Variants in F8 observed in about 807,000 individuals in gnomAD.
F8 encodes the protein coagulation factor VIII.
A neutral mutation model predicts 140.6 loss-of-function variants in F8; 12 were observed. That is an observed-to-expected ratio of 0.09 (90% confidence interval 0.05 to 0.14). The LOEUF (loss-of-function observed/expected upper bound fraction) is 0.14. Among genes scored for constraint, F8 ranks in the 10% least tolerant of loss-of-function variants. The pLI is 1.00. For missense variants in F8, 1,354 were observed against 1,720.7 expected, an observed-to-expected ratio of 0.79 and a Z score of 3.77; for synonymous variants, 585 against 614.6, an observed-to-expected ratio of 0.95 and a Z score of 0.71.
chrX:155,022,126 C>G (rs1370638499), intron 1 of F8, among the ~76,000 whole-genome samples: 1 of 111,828 alleles, frequency 8.9e-6, no homozygotes. Flanking sequence ...TCCCTTCACC[C>G]TCCCTCTACT....
intron 1 of F8, among the ~76,000 whole-genome samples, chrX:155,014,553 T>G (rs1321060727): frequency 1.8e-5 from 2 of 112,381 alleles, no homozygotes; most frequent in Non-Finnish European, 3.8e-5. Flanking sequence ...AAAACGCTAC[T>G]AGAGCTAAAA....
At chrX:154,993,546 C>A (rs782510243) in intron 3 of F8, among the ~76,000 whole-genome samples, 8 of 111,882 alleles carry the variant, frequency 7.2e-5, no homozygotes, top group Non-Finnish European at 1.3e-4. Context: ...ACCACCACAC[C>A]CGGCCTACTT....
intron 1 of F8, among the ~76,000 whole-genome samples, chrX:155,015,200 C>A (rs1557286918): frequency 9.0e-6 from 1 of 111,662 alleles, no homozygotes; most frequent in Non-Finnish European, 1.9e-5. Flanking sequence ...AAATTTAACT[C>A]AAAATGTATT....
At chrX:154,899,614 G>A (rs1186153749) in intron 21 of F8, among the ~76,000 whole-genome samples, 3 of 111,386 alleles carry the variant, frequency 2.7e-5, no homozygotes, top group Middle Eastern at 4.6e-3. Flanking sequence ...GAGAGATGAC[G>A]AGTTCAATAT....
At chrX:154,900,005 C>T (rs1322750554) in intron 20 of F8, 54 bp from the exon 21 acceptor site, 25 of 1,031,662 alleles carry the variant, frequency 2.4e-5, no homozygotes, top group Non-Finnish European at 1.5e-5. Flanking sequence ...GTCCTAGACA[C>T]TTGAGAATAA....
chrX:154,990,243 CT>C (rs1484442063), intron 4 of F8, among the ~76,000 whole-genome samples: 5 of 111,834 alleles, frequency 4.5e-5, no homozygotes, highest in African/African-American at 1.6e-4. Flanking sequence ...CTTCTTCTCT[CT>C]GATTTTCATC....
At chrX:154,910,498 G>T in intron 14 of F8, among the ~76,000 whole-genome samples, 1 of 111,304 alleles carries the variant, frequency 9.0e-6, no homozygotes, top group Non-Finnish European at 1.9e-5. Flanking sequence ...CACCAACATG[G>T]TGCATGTATA....
intron 25 of F8, among the ~76,000 whole-genome samples, chrX:154,846,662 C>T (rs2072568613): frequency 9.0e-6 from 1 of 111,316 alleles, no homozygotes. Context: ...CCCTTTATTT[C>T]GAGCCTATGT....
chrX:154,972,010 A>G (rs782328818), intron 6 of F8, among the ~76,000 whole-genome samples: 1 of 112,304 alleles, frequency 8.9e-6, no homozygotes, highest in Non-Finnish European at 1.9e-5. Flanking sequence ...TTTCTTCAAC[A>G]TGCTGATTTC....
In F8 at chrX:154,906,445, C is replaced by G; in HGVS notation, c.5348G>C (p.Arg1783Thr). Residue 1783 changes from arginine to threonine, a missense_variant, in exon 15 of 26, where the codon AGA becomes ACA. Coordinates refer to ENST00000360256, the MANE Select transcript of F8 (RefSeq NM_000132.4). The stretch of plus-strand genomic sequence containing the variant: ...CATGATATTATCTTCAACTTCTGCT[C>G]TTATATATGGCCCCAGGAGTCCCAA... The part of the protein sequence containing the change: ...EHLGLLGPYI[R>T]AEVEDNIMVT... 60 of 1,210,145 alleles carry G rather than the reference C, an allele frequency of 5.0e-5. No individual in the cohort carries two copies. The highest frequency in any genetic ancestry group is 6.7e-5 in the Non-Finnish European group (60 of 894,317).
chrX:154,981,030 G>C (rs968873721), intron 6 of F8, among the ~76,000 whole-genome samples: 2 of 112,036 alleles, frequency 1.8e-5, no homozygotes, highest in Admixed American at 1.9e-4. Flanking sequence ...CTGAGCCCAG[G>C]TTAGACGCAA....
chrX:154,937,427 G>C (rs2124063560), intron 13 of F8, among the ~76,000 whole-genome samples: 1 of 109,004 alleles, frequency 9.2e-6, no homozygotes, highest in East Asian at 2.8e-4. Context: ...GTGCACTAGG[G>C]GGAGGGGCGA....
At chrX:154,850,370 T>C (rs2072605634) in intron 25 of F8, among the ~76,000 whole-genome samples, 1 of 110,358 alleles carries the variant, frequency 9.1e-6, no homozygotes, top group Non-Finnish European at 1.9e-5. Flanking sequence ...TCAGATGATC[T>C]TCCTGCCTCA....
chrX:154,992,925 C>G lies in F8; in HGVS notation c.601+11G>C. 3.3e-6 allele frequency: 4 copies of G among 1,197,287 alleles called. No individual in the cohort carries two copies. Among genetic ancestry groups the G allele is most frequent in the Non-Finnish European group, 4.5e-6 (4 of 882,418 alleles). ...TTATTTCATCTCAATCCTACGCTTT[C>G]ATACACTTACCTTCTCTACATACTA... On this transcript the variant is annotated intron_variant, in intron 4 of 25. Transcript: ENST00000360256.
Position 154,929,158 on chromosome X carries a change from A to G in F8, c.4632T>C (p.Leu1544=). Reference sequence around the variant, plus strand: ...TAATCGCTCCCTCTGTTCCCTGAAGAAGGCTCCCTTCCACGAGATCCAGAT... The same window carrying G: ...TAATCGCTCCCTCTGTTCCCTGAAGGAGGCTCCCTTCCACGAGATCCAGAT... ...PGHLDLVEGS[L]LQGTEGAIKW... Residue 1544 remains leucine, a synonymous_variant, in exon 14 of 26, where the codon CTT becomes CTC. Transcript: ENST00000360256. 8.3e-7 allele frequency: 1 copy of G among 1,211,737 alleles called. No homozygotes were observed. Among genetic ancestry groups the G allele is most frequent in the South Asian group, 1.8e-5 (1 of 57,000 alleles).
In F8 at chrX:154,931,015, G is replaced by C; in HGVS notation, c.2775C>G (p.Pro925=). Residue 925 remains proline, a synonymous_variant, in exon 14 of 26, where the codon CCC becomes CCG. Coordinates refer to ENST00000360256, the MANE Select transcript of F8 (RefSeq NM_000132.4). ...AGTDNTSSLG[P]PSMPVHYDSQ... ...TATCATAATGAACTGGCATACTTGG[G>C]GGTCCTAAGGAACTTGTATTATCAG... 1.7e-6 allele frequency: 2 copies of C among 1,188,848 alleles called. No individual in the cohort carries two copies. The highest frequency in any genetic ancestry group is 2.3e-6 in the Non-Finnish European group (2 of 885,562).
intron 22 of F8, among the ~76,000 whole-genome samples, chrX:154,872,743 T>C (rs782437861): frequency 4.6e-4 from 51 of 111,151 alleles, no homozygotes; most frequent in Non-Finnish European, 8.9e-4. Context: ...AAGAGAATAG[T>C]AAAATTATCT....
chrX:154,960,694 A>G (rs947323757), intron 10 of F8, among the ~76,000 whole-genome samples: 1 of 110,792 alleles, frequency 9.0e-6, no homozygotes, highest in African/African-American at 3.3e-5. Context: ...GGAATACCAC[A>G]CTAGATACCA....
intron 23 of F8, 23 bp from the exon 24 acceptor site, chrX:154,861,889 G>A (rs1286329454): frequency 8.3e-7 from 1 of 1,207,428 alleles, no homozygotes; most frequent in Non-Finnish European, 1.1e-6. Flanking sequence ...AAAAAAGAAG[G>A]TTATCACAAG....
Sources: gnomAD v4.1 joint callset for allele counts (sites outside exome capture counted in the v4.1 genomes callset) on GRCh38, gnomAD v4.1.1 for gene constraint, MANE v1.5 for transcripts, NCBI Gene and HGNC (gene_info 2026-07-23, HGNC 2026-07-21) for gene names.